FGF12: variants seen among roughly 807,000 people sequenced by gnomAD.
The protein encoded by FGF12 is fibroblast growth factor 12B.
Under a neutral mutation model 23.6 loss-of-function variants are expected in FGF12, and 14 were observed. That is an observed-to-expected ratio of 0.59 (90% confidence interval 0.39 to 0.93). The LOEUF is 0.93. FGF12 is among the 40% of genes least tolerant of loss of function. FGF12 has a pLI of 0.00. For missense variants in FGF12, 175 were observed against 217.8 expected, an observed-to-expected ratio of 0.80 and a Z score of 1.24; for synonymous variants, 62 against 77.3, an observed-to-expected ratio of 0.80 and a Z score of 1.04.
chr3:192,304,492 T>C (rs1715514070), intron 4 of FGF12, among the ~76,000 whole-genome samples: 1 of 152,174 alleles, frequency 6.6e-6, no homozygotes, highest in African/African-American at 2.4e-5. Flanking sequence ...TATCTTATTA[T>C]CAAAATTCTC....
At chr3:192,525,053 T>G (rs1724909391) in intron 2 of FGF12, among the ~76,000 whole-genome samples, 1 of 152,172 alleles carries the variant, frequency 6.6e-6, no homozygotes, top group Non-Finnish European at 1.5e-5. Context: ...CGGTTTTCCT[T>G]CTACTTCTCT....
chr3:192,531,092 A>G (rs1267477134), intron 2 of FGF12, among the ~76,000 whole-genome samples: 2 of 152,230 alleles, frequency 1.3e-5, no homozygotes, highest in Non-Finnish European at 2.9e-5. Flanking sequence ...GATTACAGGC[A>G]TGAGACACCA....
intron 2 of FGF12, among the ~76,000 whole-genome samples, chr3:192,469,839 T>A (rs1723119217): frequency 6.6e-6 from 1 of 152,148 alleles, no homozygotes; most frequent in Admixed American, 6.5e-5. Context: ...AAAACAGTGT[T>A]GAATGAAGAG....
chr3:192,303,583 A>G lies in FGF12; in HGVS notation c.228+31778T>C, dbSNP rs924280584. On this transcript the variant is annotated intron_variant, in intron 4 of 5. Coordinates refer to ENST00000445105, the MANE Select transcript of FGF12 (RefSeq NM_004113.6). ...ACATTCCCATGCACCAGGGACTATT[A>G]GAATTTCAACAGCATGATTGGAATT... Among the ~76,000 whole-genome samples the G allele has an allele frequency of 7.2e-5, 11 of 152,346 alleles. No individual in the cohort carries two copies. The Middle Eastern group carries it at 0.01, about 141-fold the overall frequency.
chr3:192,532,009 C>T (rs1301228034), intron 2 of FGF12, among the ~76,000 whole-genome samples: 3 of 152,114 alleles, frequency 2.0e-5, no homozygotes, highest in Non-Finnish European at 4.4e-5. Flanking sequence ...ATAGGGTGTC[C>T]TTTCCCCAAT....
rs1166792778 is a variant in FGF12, at chr3:192,150,142, GC to G, written c.428-6016del. Among the ~76,000 whole-genome samples, 8 of 61,382 alleles carry G rather than the reference GC, an allele frequency of 1.3e-4. 1 individual carries two copies. The East Asian group carries it at 2.8e-3, about 22-fold the overall frequency. 40.3% of individuals were successfully genotyped at this position (61,382 alleles called of 152,430 possible). On this transcript the variant is annotated intron_variant, in intron 5 of 5. Coordinates refer to ENST00000445105, the MANE Select transcript of FGF12 (RefSeq NM_004113.6). ...TGAGAAGTGTCTGTTCATGTCCTTCGCCCACTTTTTGATGGGGTTGTTTGTT... is the reference window on the plus strand; with the variant it reads ...TGAGAAGTGTCTGTTCATGTCCTTCGCCACTTTTTGATGGGGTTGTTTGTT...
intron 4 of FGF12, among the ~76,000 whole-genome samples, chr3:192,217,513 A>T (rs1392124499): frequency 1.1e-4 from 16 of 152,224 alleles, no homozygotes; most frequent in Admixed American, 1.0e-3. Flanking sequence ...AGGAACGTAG[A>T]CAACAAAATA....
At chr3:192,643,805 C>T (rs1200133838) in intron 2 of FGF12, among the ~76,000 whole-genome samples, 1 of 152,156 alleles carries the variant, frequency 6.6e-6, no homozygotes, top group Non-Finnish European at 1.5e-5. Context: ...TTCTTGGCAT[C>T]TGAATTTTGG....
chr3:192,271,189 A>C (rs757224099), intron 4 of FGF12, among the ~76,000 whole-genome samples: 1 of 152,228 alleles, frequency 6.6e-6, no homozygotes, highest in Non-Finnish European at 1.5e-5. Context: ...CTCATGTTTG[A>C]AACTACAGAG....
At chr3:192,685,383 A>G (rs1396042968) in intron 2 of FGF12, among the ~76,000 whole-genome samples, 1 of 152,218 alleles carries the variant, frequency 6.6e-6, no homozygotes, top group East Asian at 1.9e-4. Context: ...TGTTTAGAAC[A>G]CAGTAAGCAC....
chr3:192,472,005 T>C (rs919962942), intron 2 of FGF12, among the ~76,000 whole-genome samples: 1 of 152,130 alleles, frequency 6.6e-6, no homozygotes, highest in Admixed American at 6.5e-5. Flanking sequence ...TTTCACTTTA[T>C]TAATTTTGTT....
intron 4 of FGF12, among the ~76,000 whole-genome samples, chr3:192,270,157 G>T (rs1467384125): frequency 1.3e-5 from 2 of 152,054 alleles, no homozygotes; most frequent in African/African-American, 4.8e-5. Flanking sequence ...AGGCCTTTTT[G>T]CTCTGATGAC....
intron 2 of FGF12, among the ~76,000 whole-genome samples, chr3:192,611,130 A>G (rs1714536038): frequency 6.6e-6 from 1 of 152,046 alleles, no homozygotes; most frequent in Non-Finnish European, 1.5e-5. Context: ...ATAATCAGCT[A>G]TAGAAGAAAG....
chr3:192,294,075 G>A (rs1714906360), intron 4 of FGF12, among the ~76,000 whole-genome samples: 2 of 152,136 alleles, frequency 1.3e-5, no homozygotes, highest in African/African-American at 4.8e-5. Context: ...AGATCTGATG[G>A]TTTTATAAGG....
intron 4 of FGF12, among the ~76,000 whole-genome samples, chr3:192,322,056 A>G (rs1716569173): frequency 6.6e-6 from 1 of 152,010 alleles, no homozygotes; most frequent in African/African-American, 2.4e-5. Context: ...ATATGATAGT[A>G]TATTTGAAAA....
chr3:192,450,226 T>C (rs1722479823), intron 2 of FGF12, among the ~76,000 whole-genome samples: 1 of 152,180 alleles, frequency 6.6e-6, no homozygotes, highest in African/African-American at 2.4e-5. Context: ...CCTAATATAA[T>C]AAAATAACCT....
chr3:192,359,475 A>T (rs1718622065), intron 3 of FGF12, among the ~76,000 whole-genome samples: 1 of 152,212 alleles, frequency 6.6e-6, no homozygotes, highest in East Asian at 1.9e-4. Flanking sequence ...GTGAGCATTT[A>T]TTGTGTGCTC....
intron 5 of FGF12, among the ~76,000 whole-genome samples, chr3:192,169,854 G>T (rs57033670): frequency 0.072 from 10,662 of 148,570 alleles, 469 homozygotes; most frequent in African/African-American, 0.12. Context: ...AAACAAAAAA[G>T]TTTATTCTAA....
rs535046623 is a variant in FGF12 at position 192,154,975 on chromosome 3, GC to G, written c.428-10849del. Among the ~76,000 whole-genome samples, 1,071 of 139,664 alleles carry G rather than the reference GC, an allele frequency of 7.7e-3. 5 individuals carry two copies. Among genetic ancestry groups the G allele is most frequent in the Middle Eastern group, 0.041 (11 of 266 alleles). The allele number at this position is 139,664 out of a possible 152,430, so 91.6% of individuals were successfully genotyped here. On this transcript the variant is annotated intron_variant, in intron 5 of 5. Transcript: ENST00000445105. ...GCTAGCAATCAGCGAGATTCCGTGG[GC>G]GTAGGACCCTCCGAGCCAGGTGTGG... is the stretch of plus-strand genomic sequence containing the variant.
Sources: gnomAD v4.1 joint callset for allele counts (sites outside exome capture counted in the v4.1 genomes callset) on GRCh38, gnomAD v4.1.1 for gene constraint, MANE v1.5 for transcripts, NCBI Gene and HGNC (gene_info 2026-07-23, HGNC 2026-07-21) for gene names.